The following CSMD1 variants were observed in gnomAD, a reference collection of about 807,000 sequenced individuals.
The protein encoded by CSMD1 is CUB and sushi domain-containing protein 1.
Under a neutral mutation model 417.5 loss-of-function variants are expected in CSMD1, and 213 were observed. The ratio of observed to expected loss-of-function variants is 0.51; its 90% confidence interval spans 0.46 to 0.57. The LOEUF (loss-of-function observed/expected upper bound fraction) is 0.57, where lower values mean the gene tolerates loss of function less well. Among genes scored for constraint, CSMD1 ranks in the 20% least tolerant of loss-of-function variants. CSMD1 has a pLI of 0.00. For missense variants in CSMD1, 6,923 were observed against 4,529.7 expected, an observed-to-expected ratio of 1.53 and a Z score of -15.17; for synonymous variants, 2,862 against 1,736.8, an observed-to-expected ratio of 1.65 and a Z score of -16.11.
intron 42 of CSMD1, 103 bp downstream of exon 42, chr8:3,118,296 T>G (rs1816982544): frequency 1.2e-6 from 1 of 810,972 alleles, no homozygotes; most frequent in Non-Finnish European, 1.9e-6. Flanking sequence ...AACGAATATT[T>G]ATTGAATACA....
Position 4,135,327 on chromosome 8 carries a change from G to T in CSMD1, c.416-103228C>A, listed in dbSNP as rs1320834393. 3.9e-5 allele frequency among the ~76,000 whole-genome samples: 3 copies of T among 77,208 alleles called. No individual in the cohort carries two copies. The East Asian group carries it at 1.4e-3, about 37-fold the overall frequency. The allele number at this position is 77,208 out of a possible 152,430, so 50.7% of individuals were successfully genotyped here. On this transcript the variant is annotated intron_variant, in intron 3 of 69. Transcript: ENST00000635120. ...AAGGAAGAAAGGAGGGAGGAGCGAA[G>T]GAAGGGGAAAGAAGGAAGGAAGGGA...
intron 6 of CSMD1, among the ~76,000 whole-genome samples, chr8:3,735,523 G>A (rs1289248818): frequency 1.3e-5 from 2 of 152,180 alleles, no homozygotes; most frequent in African/African-American, 2.4e-5. Flanking sequence ...ATTCTGTCCA[G>A]TTACACAGTA....
At chr8:4,284,648 C>T (rs1221191760) in intron 3 of CSMD1, among the ~76,000 whole-genome samples, 1 of 152,090 alleles carries the variant, frequency 6.6e-6, no homozygotes, top group Admixed American at 6.6e-5. Context: ...AGGGTGGACT[C>T]AGGACTCCTG....
chr8:4,903,170 C>T (rs1163747568), intron 1 of CSMD1, among the ~76,000 whole-genome samples: 2 of 152,198 alleles, frequency 1.3e-5, no homozygotes, highest in Non-Finnish European at 2.9e-5. Flanking sequence ...GTAATGCAAT[C>T]TTCCCACAGG....
chr8:4,341,587 T>C (rs369484638), intron 3 of CSMD1, among the ~76,000 whole-genome samples: 2 of 152,136 alleles, frequency 1.3e-5, no homozygotes, highest in Non-Finnish European at 2.9e-5. Flanking sequence ...TAACGTTCTG[T>C]GGTTCCCTGT....
intron 1 of CSMD1, among the ~76,000 whole-genome samples, chr8:4,722,654 T>A (rs1174377927): frequency 6.6e-6 from 1 of 152,060 alleles, no homozygotes; most frequent in Non-Finnish European, 1.5e-5. Flanking sequence ...CAGCATCTCA[T>A]TACTATCCTC....
intron 1 of CSMD1, among the ~76,000 whole-genome samples, chr8:4,946,490 A>G (rs1356388711): frequency 6.6e-6 from 1 of 152,074 alleles, no homozygotes; most frequent in Admixed American, 6.6e-5. Flanking sequence ...TACCCTCCCC[A>G]GGTACAATAT....
At chr8:4,520,067 T>C (rs1184316758) in intron 2 of CSMD1, among the ~76,000 whole-genome samples, 1 of 152,116 alleles carries the variant, frequency 6.6e-6, no homozygotes, top group Non-Finnish European at 1.5e-5. Flanking sequence ...ACTTTCTCTT[T>C]AGATAATTTT....
intron 54 of CSMD1, among the ~76,000 whole-genome samples, chr8:2,996,616 C>T (rs1209152168): frequency 6.6e-6 from 1 of 152,170 alleles, no homozygotes; most frequent in African/African-American, 2.4e-5. Context: ...TTTTGCTAGG[C>T]CCTGCTCCAT....
At position 3,396,226 on chromosome 8, in the gene CSMD1, C is replaced by T. The variant is rs376486567; in HGVS notation, c.2561G>A (p.Arg854His). The T allele has an allele frequency of 1.5e-5, 24 of 1,568,742 alleles. No homozygotes were observed. Among genetic ancestry groups the T allele is most frequent in the Middle Eastern group, 1.7e-4 (1 of 5,752 alleles). Residue 854 changes from arginine (R) to histidine (H), a missense_variant, in exon 17 of 70, where the codon CGC (arginine) becomes CAC (histidine). Arg to His is a conservative substitution (Grantham distance 29). Coordinates refer to ENST00000635120, the MANE Select transcript of CSMD1 (RefSeq NM_033225.6). ...MYLLFTTDNS[R>H]SSIGFLIHYE... ...GTGGATGAGGAAGCCGATGCTGGAG[C>T]GGCTGTTGTCAGTGGTGAACAGCAG...
chr8:4,781,040 G>A (rs557120120), intron 1 of CSMD1, among the ~76,000 whole-genome samples: 1 of 152,244 alleles, frequency 6.6e-6, no homozygotes, highest in Admixed American at 6.5e-5. Context: ...AGCTTTTCCT[G>A]CTTCTGAACC....
At chr8:3,478,197 A>G (rs73660046) in intron 11 of CSMD1, among the ~76,000 whole-genome samples, 8,138 of 152,318 alleles carry the variant, frequency 0.053, 541 homozygotes, top group East Asian at 0.19. Flanking sequence ...CTTAACATCA[A>G]TCATTTACAA....
chr8:3,361,139 G>C (rs1047647697), intron 20 of CSMD1, among the ~76,000 whole-genome samples: 5 of 151,972 alleles, frequency 3.3e-5, no homozygotes, highest in Non-Finnish European at 7.4e-5. Context: ...AAATAATATA[G>C]ACAATGTCAT....
chr8:4,021,363 G>C (rs183446835), intron 4 of CSMD1, among the ~76,000 whole-genome samples: 1 of 152,114 alleles, frequency 6.6e-6, no homozygotes, highest in Non-Finnish European at 1.5e-5. Flanking sequence ...TTTCCGTGTC[G>C]CATCTGGGGA....
chr8:4,329,669 CA>C (rs2128889750), intron 3 of CSMD1, among the ~76,000 whole-genome samples: 1 of 152,186 alleles, frequency 6.6e-6, no homozygotes, highest in Admixed American at 6.5e-5. Context: ...TATCCCCACC[CA>C]AATCTCATGT....
At position 3,866,965 on chromosome 8, in the gene CSMD1, A is replaced by T. The variant is rs118108366; in HGVS notation, c.819-112923T>A. ...TGTAAGTACCACCATTTTCATGAAA[A>T]ACCATTTTGCTTATACCATAAAAGT... On this transcript the variant is annotated intron_variant, in intron 5 of 69. Transcript: ENST00000635120. Among the ~76,000 whole-genome samples, 518 of 152,276 alleles carry T rather than the reference A, an allele frequency of 3.4e-3. 4 individuals carry two copies. Among genetic ancestry groups the T allele is most frequent in the South Asian group, 0.015 (72 of 4,818 alleles).
At chr8:4,580,857 T>C (rs1799381056) in intron 2 of CSMD1, among the ~76,000 whole-genome samples, 1 of 152,240 alleles carries the variant, frequency 6.6e-6, no homozygotes, top group African/African-American at 2.4e-5. Context: ...GGATTGTAAA[T>C]TCACGGAATG....
rs544315995 is a variant in CSMD1, at chr8:3,340,242, T to C, written c.3631+3052A>G. 5.4e-4 allele frequency among the ~76,000 whole-genome samples: 82 copies of C among 152,332 alleles called. 1 individual carries two copies. In the South Asian group the frequency reaches 0.016, roughly 30 times the overall value. On this transcript the variant is annotated intron_variant, in intron 23 of 69. Transcript: ENST00000635120. Reference sequence around the variant, plus strand: ...CTAAAATATCTGAAGACTCGGTTTTTAATTCATAAAGAAGAGTAGAAGGAG... The same window carrying C: ...CTAAAATATCTGAAGACTCGGTTTTCAATTCATAAAGAAGAGTAGAAGGAG...
intron 3 of CSMD1, among the ~76,000 whole-genome samples, chr8:4,063,789 C>G (rs956344295): frequency 2.0e-5 from 3 of 152,168 alleles, no homozygotes; most frequent in Non-Finnish European, 4.4e-5. Context: ...TTCAGTTCCA[C>G]TTAAACCTGC....
Sources: gnomAD v4.1 joint callset for allele counts (sites outside exome capture counted in the v4.1 genomes callset) on GRCh38, gnomAD v4.1.1 for gene constraint, MANE v1.5 for transcripts, NCBI Gene and HGNC (gene_info 2026-07-23, HGNC 2026-07-21) for gene names.